The following MTAP variants were observed in gnomAD, a reference collection of about 807,000 sequenced individuals.
The protein encoded by MTAP is S-methyl-5'-thioadenosine phosphorylase.
Under a neutral mutation model 33.6 loss-of-function variants are expected in MTAP, and 33 were observed. The ratio of observed to expected loss-of-function variants is 0.98; its 90% CI spans 0.74 to 1.31. The LOEUF is 1.31. Among genes scored for constraint, MTAP ranks in the 40% most tolerant of loss-of-function variants. MTAP has a pLI of 0.00. For missense variants in MTAP, 367 were observed against 360.0 expected, an observed-to-expected ratio of 1.02 and a Z score of -0.16; for synonymous variants, 148 against 125.7, an observed-to-expected ratio of 1.18 and a Z score of -1.19.
rs2118604953 is a variant in MTAP, at chr9:21,864,963, T to G, written c.*2949T>G. ...TGTTTTTAATTTTCTCAACAAGCAT[T>G]TAGCCAGCACTTATCCAGTGAAACA... On this transcript the variant is annotated 3_prime_UTR_variant, in exon 8 of 8. Transcript: ENST00000644715. The G allele has an allele frequency of 1.0e-6, 1 of 985,466 alleles. No homozygotes were observed. The highest frequency in any genetic ancestry group is 1.7e-5 in the African/African-American group (1 of 57,378). The allele number at this position is 985,466 out of a possible 1,614,324, so 61.0% of individuals were successfully genotyped here.
chr9:21,863,953 T>G lies in MTAP; in HGVS notation c.*1939T>G. ...ATTAAATTTCAACTCTGGTTATCCATTAGCAATCTGTAGAGAACTTAATGA... is the reference window on the plus strand; with the variant it reads ...ATTAAATTTCAACTCTGGTTATCCAGTAGCAATCTGTAGAGAACTTAATGA... On this transcript the variant is annotated 3_prime_UTR_variant, in exon 8 of 8. Coordinates refer to ENST00000644715, the MANE Select transcript of MTAP (RefSeq NM_002451.4). 2.0e-6 allele frequency: 2 copies of G among 985,852 alleles called. No homozygotes were observed. Among genetic ancestry groups the G allele is most frequent in the Non-Finnish European group, 2.4e-6 (2 of 829,920 alleles). The allele number at this position is 985,852 out of a possible 1,614,324, so 61.1% of individuals were successfully genotyped here.
intron 1 of MTAP, among the ~76,000 whole-genome samples, chr9:21,811,164 C>A (rs762931627): frequency 1.3e-5 from 2 of 152,172 alleles, no homozygotes; most frequent in Non-Finnish European, 2.9e-5. Context: ...TAGTCTCAAC[C>A]GCTTGGGGTG....
intron 4 of MTAP, among the ~76,000 whole-genome samples, chr9:21,819,447 A>G (rs1824573853): frequency 6.6e-6 from 1 of 152,160 alleles, no homozygotes; most frequent in Admixed American, 6.5e-5. Flanking sequence ...AGCTTCATCC[A>G]TGTCCCTACA....
chr9:21,853,467 T>C (rs1356913599), intron 5 of MTAP, among the ~76,000 whole-genome samples: 1 of 152,256 alleles, frequency 6.6e-6, no homozygotes, highest in African/African-American at 2.4e-5. Context: ...CCAAGACTCT[T>C]GTGAAAATTC....
chr9:21,887,311 T>G (rs1272179101), intron 1 of MTAP, among the ~76,000 whole-genome samples: 1 of 151,964 alleles, frequency 6.6e-6, no homozygotes, highest in Non-Finnish European at 1.5e-5. Context: ...CCTTCCTGTG[T>G]CCATGTGTTC....
chr9:21,893,955 A>G (rs1198706845), intron 1 of MTAP: 1 of 151,930 alleles, frequency 6.6e-6, no homozygotes, highest in Non-Finnish European at 1.5e-5. Flanking sequence ...ACACACACAG[A>G]AATTCTGGCC....
At chr9:21,880,689 TTAACAAAA>T (rs1439344891) in intron 1 of MTAP, among the ~76,000 whole-genome samples, 1 of 152,028 alleles carries the variant, frequency 6.6e-6, no homozygotes, top group East Asian at 1.9e-4. Flanking sequence ...AGGAATAAAC[TTAACAAAA>T]TAACTGCAAA....
downstream of MTAP, among the ~76,000 whole-genome samples, chr9:21,871,101 A>G (rs959349732): frequency 2.6e-5 from 4 of 152,152 alleles, no homozygotes; most frequent in Admixed American, 6.5e-5. Context: ...GAAATGTTCT[A>G]TCTGTGTTTA....
At position 21,859,299 on chromosome 9, in the gene MTAP, C is replaced by T. The variant is rs774018938; in HGVS notation, c.691-4C>T. On this transcript the variant is annotated splice_region_variant and splice_polypyrimidine_tract_variant and intron_variant, in intron 6 of 7. Coordinates refer to ENST00000644715, the MANE Select transcript of MTAP (RefSeq NM_002451.4). Reference sequence around the variant, plus strand: ...AGTAACCTCCAGTGCTATTGTTTCTCTAGGTTTCGGTGGACCGGGTCTTAA... The same window carrying T: ...AGTAACCTCCAGTGCTATTGTTTCTTTAGGTTTCGGTGGACCGGGTCTTAA... The T allele has an allele frequency of 5.0e-6, 8 of 1,604,456 alleles. No individual in the cohort carries two copies. Among genetic ancestry groups the T allele is most frequent in the South Asian group, 2.2e-5 (2 of 89,330 alleles).
At chr9:21,813,530 A>G (rs1824403095) in intron 1 of MTAP, among the ~76,000 whole-genome samples, 1 of 152,212 alleles carries the variant, frequency 6.6e-6, no homozygotes, top group African/African-American at 2.4e-5. Flanking sequence ...AACAACTGCT[A>G]CAATGCTGGG....
chr9:21,852,427 T>C lies in MTAP; in HGVS notation c.451-2204T>C, dbSNP rs374374777. On this transcript the variant is annotated intron_variant, in intron 5 of 7. Coordinates refer to ENST00000644715, the MANE Select transcript of MTAP (RefSeq NM_002451.4). ...TCAGGAGGCTGAGCCAGAGAACTGCTTGAACCCGTGAGGCAGAGGTTGCAG... is the reference window on the plus strand; with the variant it reads ...TCAGGAGGCTGAGCCAGAGAACTGCCTGAACCCGTGAGGCAGAGGTTGCAG... 3.7e-3 allele frequency among the ~76,000 whole-genome samples: 558 copies of C among 151,468 alleles called. 6 individuals are homozygous for C. Among genetic ancestry groups the C allele is most frequent in the African/African-American group, 0.013 (533 of 41,114 alleles).
chr9:21,903,783 C>A (rs528810840), intron 1 of MTAP, among the ~76,000 whole-genome samples: 1 of 152,256 alleles, frequency 6.6e-6, no homozygotes, highest in South Asian at 2.1e-4. Context: ...TTGCGGAGCT[C>A]CGACCCCATG....
intron 1 of MTAP, among the ~76,000 whole-genome samples, chr9:21,916,896 G>A (rs961134878): frequency 1.3e-5 from 2 of 152,192 alleles, no homozygotes; most frequent in Non-Finnish European, 2.9e-5. Context: ...ACGGCAGCCC[G>A]AGGAAATGAA....
chr9:21,939,669 G>T (rs190141516), downstream of MTAP, among the ~76,000 whole-genome samples: 206 of 151,084 alleles, frequency 1.4e-3, no homozygotes, highest in Admixed American at 4.8e-3. Context: ...TTTGAGACCA[G>T]CATGGCCAAC....
intron 4 of MTAP, among the ~76,000 whole-genome samples, chr9:21,835,110 C>T (rs1168414863): frequency 2.0e-5 from 3 of 152,144 alleles, no homozygotes; most frequent in East Asian, 3.9e-4. Context: ...CAGATAGCAC[C>T]TTCTTATTGT....
At chr9:21,879,753 C>T (rs1392374463) in intron 1 of MTAP, among the ~76,000 whole-genome samples, 1 of 152,090 alleles carries the variant, frequency 6.6e-6, no homozygotes, top group East Asian at 1.9e-4. Context: ...TCAACATTTG[C>T]TTATCTGTAA....
intron 1 of MTAP, among the ~76,000 whole-genome samples, chr9:21,882,922 C>T (rs1818038412): frequency 6.6e-6 from 1 of 151,526 alleles, no homozygotes; most frequent in Admixed American, 6.6e-5. Context: ...CCATGAGATG[C>T]AGCCAAATAT....
chr9:21,827,398 T>C (rs118152078), intron 4 of MTAP, among the ~76,000 whole-genome samples: 1,752 of 152,268 alleles, frequency 0.012, 13 homozygotes, highest in Middle Eastern at 0.037. Flanking sequence ...CTTTCAGGGA[T>C]TCATTATAAT....
intron 5 of MTAP, among the ~76,000 whole-genome samples, chr9:21,845,157 A>G (rs1471858933): frequency 6.6e-6 from 1 of 152,198 alleles, no homozygotes; most frequent in Admixed American, 6.5e-5. Flanking sequence ...CTTCTGTTCA[A>G]CATAATACAG....
Sources: gnomAD v4.1 joint callset for allele counts (sites outside exome capture counted in the v4.1 genomes callset) on GRCh38, gnomAD v4.1.1 for gene constraint, MANE v1.5 for transcripts, NCBI Gene and HGNC (gene_info 2026-07-23, HGNC 2026-07-21) for gene names.